Variants in HECW1 observed in about 807,000 individuals in gnomAD.
HECW1 encodes HECT, C2 and WW domain containing E3 ubiquitin protein ligase 1, also known as E3 ubiquitin-protein ligase HECW1.
In HECW1, 61 loss-of-function variants were observed where a neutral mutation model predicts 182.3. That is an observed-to-expected ratio of 0.33 (90% CI 0.27 to 0.41). The LOEUF (loss-of-function observed/expected upper bound fraction) is 0.41, where lower values mean the gene tolerates loss of function less well. Among genes scored for constraint, HECW1 ranks in the 10% least tolerant of loss-of-function variants. The pLI is 1.00. For synonymous variants in HECW1, 859 were observed against 832.6 expected (o/e 1.03, Z -0.55); for missense variants, 1,739 against 2,108.9 (o/e 0.82, Z 3.44).
chr7:43,180,599 G>C (rs1792751258), intron 2 of HECW1, among the ~76,000 whole-genome samples: 1 of 152,150 alleles, frequency 6.6e-6, no homozygotes, highest in Non-Finnish European at 1.5e-5. Flanking sequence ...GTTTCACCGT[G>C]TTAGCCAGGA....
chr7:43,154,330 T>C (rs968367295), intron 2 of HECW1, among the ~76,000 whole-genome samples: 5 of 152,216 alleles, frequency 3.3e-5, no homozygotes, highest in African/African-American at 1.2e-4. Context: ...AAGTTTGATA[T>C]GTACTATTAA....
intron 2 of HECW1, among the ~76,000 whole-genome samples, chr7:43,142,805 C>T (rs911766983): frequency 3.9e-5 from 6 of 152,120 alleles, no homozygotes; most frequent in African/African-American, 1.4e-4. Flanking sequence ...AGCGGGGTTC[C>T]GGCTTGTCTT....
chr7:43,214,451 G>A (rs1301616153), intron 2 of HECW1, among the ~76,000 whole-genome samples: 2 of 152,038 alleles, frequency 1.3e-5, no homozygotes, highest in Admixed American at 6.6e-5. Flanking sequence ...CAAAAAACTA[G>A]ACAAACTAGA....
chr7:43,349,860 G>A (rs554458688), intron 5 of HECW1, among the ~76,000 whole-genome samples: 13 of 152,266 alleles, frequency 8.5e-5, no homozygotes, highest in African/African-American at 2.2e-4. Flanking sequence ...TGTAAGTATC[G>A]AAATATGAGG....
chr7:43,277,817 CT>C (rs1293766461), intron 3 of HECW1, among the ~76,000 whole-genome samples: 1 of 152,236 alleles, frequency 6.6e-6, no homozygotes, highest in Non-Finnish European at 1.5e-5. Context: ...GGAAATTCCC[CT>C]GGCCCATTTT....
intron 3 of HECW1, among the ~76,000 whole-genome samples, chr7:43,274,781 A>C (rs2152743545): frequency 6.6e-6 from 1 of 152,372 alleles, no homozygotes; most frequent in South Asian, 2.1e-4. Context: ...CCAATGTGAT[A>C]GATGTGAGTC....
rs570381874 is a variant in HECW1, at chr7:43,463,700, G to A, written c.2692G>A (p.Glu898Lys). The change falls in exon 14 of 30, where the codon GAA (glutamate) becomes AAA (lysine). Residue 898 changes from glutamate (E) to lysine (K), a missense_variant. Glu to Lys is a moderately conservative substitution (Grantham distance 56, BLOSUM62 1). Coordinates refer to ENST00000395891, the MANE Select transcript of HECW1 (RefSeq NM_015052.5). ...IQRTIATERS[E>K]EDSGSQSCEQ... ...GCGAACCATTGCAACAGAGAGGTCC[G>A]AAGAAGATTCTGGCAGCCAAAGCTG... The A allele has an allele frequency of 2.0e-5, 32 of 1,613,992 alleles. No homozygotes were observed. The highest frequency in any genetic ancestry group is 1.6e-4 in the East Asian group (7 of 44,874).
At chr7:43,246,083 G>T (rs1799351675) in intron 3 of HECW1, among the ~76,000 whole-genome samples, 1 of 151,858 alleles carries the variant, frequency 6.6e-6, no homozygotes. Flanking sequence ...AGGATCACTT[G>T]ACGCCACGAG....
chr7:43,123,093 AGTT>A (rs1785807704), intron 2 of HECW1, among the ~76,000 whole-genome samples: 1 of 152,200 alleles, frequency 6.6e-6, no homozygotes. Flanking sequence ...AAAATGAAAA[AGTT>A]GTAGCCTTTA....
At chr7:43,355,970 A>G (rs970553390) in intron 5 of HECW1, among the ~76,000 whole-genome samples, 2 of 151,940 alleles carry the variant, frequency 1.3e-5, no homozygotes, top group African/African-American at 4.8e-5. Flanking sequence ...GCCTGGCAAC[A>G]GAGCAAGACT....
chr7:43,464,037 A>G (rs971886019), intron 14 of HECW1, among the ~76,000 whole-genome samples: 6 of 152,206 alleles, frequency 3.9e-5, no homozygotes, highest in African/African-American at 7.2e-5. Context: ...CCACCCTGGC[A>G]TGGGGATCTG....
chr7:43,165,307 G>A (rs1035640959), intron 2 of HECW1, among the ~76,000 whole-genome samples: 2 of 151,762 alleles, frequency 1.3e-5, no homozygotes, highest in African/African-American at 2.4e-5. Context: ...GCAGCCATGT[G>A]CATACAATTT....
chr7:43,202,665 G>C (rs1417530181), intron 2 of HECW1, among the ~76,000 whole-genome samples: 2 of 151,838 alleles, frequency 1.3e-5, no homozygotes, highest in Non-Finnish European at 2.9e-5. Flanking sequence ...GTAGAGATGG[G>C]GTTTCACCAT....
At chr7:43,219,666 G>GAACA (rs147697879) in intron 2 of HECW1, among the ~76,000 whole-genome samples, 4,619 of 151,946 alleles carry the variant, frequency 0.03, 240 homozygotes, top group African/African-American at 0.11. Context: ...GAACAGAACA[G>GAACA]GACAGGGATT....
intron 29 of HECW1, among the ~76,000 whole-genome samples, chr7:43,558,584 G>A (rs181459944): frequency 9.9e-5 from 15 of 152,250 alleles, no homozygotes; most frequent in African/African-American, 3.6e-4. Flanking sequence ...TTGAGTAGAA[G>A]CCAAGGATGC....
intron 2 of HECW1, among the ~76,000 whole-genome samples, chr7:43,226,280 T>C (rs986874402): frequency 1.3e-5 from 2 of 152,220 alleles, no homozygotes; most frequent in African/African-American, 4.8e-5. Flanking sequence ...ACTCTGTCCT[T>C]CTTATTTCCG....
At chr7:43,308,238 T>A in intron 3 of HECW1, among the ~76,000 whole-genome samples, 1 of 77,676 alleles carries the variant, frequency 1.3e-5, no homozygotes, top group East Asian at 3.1e-4. Context: ...TATATAATAA[T>A]ATATAATATA....
chr7:43,427,419 A>G (rs2076396994), intron 8 of HECW1, among the ~76,000 whole-genome samples: 1 of 152,176 alleles, frequency 6.6e-6, no homozygotes, highest in African/African-American at 2.4e-5. Flanking sequence ...TTTTCTTAGA[A>G]TTGTCAACAT....
chr7:43,337,917 T>C (rs1355692737), intron 5 of HECW1, among the ~76,000 whole-genome samples: 1 of 152,196 alleles, frequency 6.6e-6, no homozygotes, highest in Non-Finnish European at 1.5e-5. Flanking sequence ...TGAATCTGAA[T>C]CAACTGCAAC....
Sources: allele counts gnomAD v4.1 joint callset (sites outside exome capture counted in the v4.1 genomes callset), GRCh38; gene constraint gnomAD v4.1.1; transcripts MANE v1.5; gene names NCBI Gene and HGNC (gene_info 2026-07-23, HGNC 2026-07-21).